PPP3CA: variants seen among roughly 807,000 people sequenced by gnomAD.
PPP3CA encodes the protein CAM-PRP catalytic subunit.
A neutral mutation model predicts 66.5 loss-of-function variants in PPP3CA; 14 were observed. That is an observed-to-expected ratio of 0.21 (90% confidence interval 0.14 to 0.33). PPP3CA has a LOEUF of 0.33. Ranked by LOEUF, PPP3CA falls within the 10% of genes least tolerant of loss-of-function variation. The pLI, the probability that PPP3CA is intolerant of heterozygous loss-of-function variation, is 1.00. For missense variants in PPP3CA, 317 were observed against 639.5 expected (o/e 0.50, Z 5.44); for synonymous variants, 232 against 226.2 (o/e 1.03, Z -0.23).
intron 10 of PPP3CA, among the ~76,000 whole-genome samples, chr4:101,043,385 C>CTTGGT (rs1727615226): frequency 6.6e-6 from 1 of 151,970 alleles, no homozygotes; most frequent in Non-Finnish European, 1.5e-5. Flanking sequence ...TGCTCAAATA[C>CTTGGT]ATACTAAATT....
intron 1 of PPP3CA, among the ~76,000 whole-genome samples, chr4:101,296,359 A>T (rs1728199645): frequency 6.6e-6 from 1 of 152,060 alleles, no homozygotes. Flanking sequence ...TATGTGAAAA[A>T]TTTTCAGATT....
intron 2 of PPP3CA, among the ~76,000 whole-genome samples, chr4:101,186,002 TAA>T (rs748513567): frequency 6.6e-6 from 1 of 152,202 alleles, no homozygotes; most frequent in Non-Finnish European, 1.5e-5. Context: ...AAAAATGGTT[TAA>T]GTTTCTTTAT....
At chr4:101,164,164 C>G (rs919059842) in intron 2 of PPP3CA, among the ~76,000 whole-genome samples, 13 of 152,060 alleles carry the variant, frequency 8.5e-5, no homozygotes, top group Non-Finnish European at 1.6e-4. Flanking sequence ...CAAATCTCCT[C>G]TCCTTCTCAA....
intron 1 of PPP3CA, among the ~76,000 whole-genome samples, chr4:101,204,692 G>C (rs1461784794): frequency 6.7e-6 from 1 of 150,102 alleles, no homozygotes; most frequent in Non-Finnish European, 1.5e-5. Context: ...TTGACACATG[G>C]ACAATGCCAA....
At chr4:101,330,735 G>T (rs1729358305) in intron 1 of PPP3CA, among the ~76,000 whole-genome samples, 1 of 151,986 alleles carries the variant, frequency 6.6e-6, no homozygotes, top group Non-Finnish European at 1.5e-5. Flanking sequence ...GTATAAAAAG[G>T]CAACGTCTAC....
chr4:101,253,054 A>C (rs1726728682), intron 1 of PPP3CA, among the ~76,000 whole-genome samples: 1 of 152,180 alleles, frequency 6.6e-6, no homozygotes, highest in South Asian at 2.1e-4. Flanking sequence ...GATTAAGCTG[A>C]AAAGGGTCCA....
intron 2 of PPP3CA, among the ~76,000 whole-genome samples, chr4:101,177,436 G>T (rs914917057): frequency 6.6e-6 from 1 of 152,050 alleles, no homozygotes; most frequent in Non-Finnish European, 1.5e-5. Context: ...ATTCATAGTA[G>T]TCCTGTACTC....
intron 1 of PPP3CA, among the ~76,000 whole-genome samples, chr4:101,340,606 T>A (rs1320208678): frequency 6.6e-6 from 1 of 152,150 alleles, no homozygotes; most frequent in Non-Finnish European, 1.5e-5. Flanking sequence ...AATTGATGGA[T>A]TCATATAAAA....
At chr4:101,184,035 G>C (rs953428657) in intron 2 of PPP3CA, among the ~76,000 whole-genome samples, 2 of 152,052 alleles carry the variant, frequency 1.3e-5, no homozygotes, top group African/African-American at 4.8e-5. Flanking sequence ...AGCTAGGTCA[G>C]AAAAAAGAGA....
intron 10 of PPP3CA, among the ~76,000 whole-genome samples, chr4:101,041,844 TA>T (rs1192343494): frequency 6.6e-6 from 1 of 152,188 alleles, no homozygotes; most frequent in Non-Finnish European, 1.5e-5. Flanking sequence ...CTGCCTCTAA[TA>T]GATATACAAC....
chr4:101,265,857 T>C (rs998148697), intron 1 of PPP3CA, among the ~76,000 whole-genome samples: 1 of 152,116 alleles, frequency 6.6e-6, no homozygotes, highest in African/African-American at 2.4e-5. Context: ...GGTCATGTAA[T>C]AGAGGGGAAT....
At chr4:101,048,525 A>AAAG (rs1727870553) in intron 10 of PPP3CA, among the ~76,000 whole-genome samples, 1 of 135,502 alleles carries the variant, frequency 7.4e-6, no homozygotes, top group African/African-American at 2.7e-5. Flanking sequence ...AAAAAAAAAA[A>AAAG]AAAAAAAAAA....
chr4:101,316,143 T>C (rs1163022613), intron 1 of PPP3CA, among the ~76,000 whole-genome samples: 2 of 151,884 alleles, frequency 1.3e-5, no homozygotes, highest in Admixed American at 6.6e-5. Flanking sequence ...ATCTACAAAA[T>C]GTAGGTTTTT....
chr4:101,060,656 T>C (rs1192984896), intron 10 of PPP3CA, among the ~76,000 whole-genome samples: 1 of 152,122 alleles, frequency 6.6e-6, no homozygotes, highest in East Asian at 1.9e-4. Context: ...TATATCAATA[T>C]GTAAATGCCT....
chr4:101,063,426 C>T lies in PPP3CA; in HGVS notation c.956-69G>A. Reference sequence around the variant, plus strand: ...TCTGCTTCTATGTATGGCTTTAGCTCATCAAGAAAATTCAACCATTTGACT... The same window carrying T: ...TCTGCTTCTATGTATGGCTTTAGCTTATCAAGAAAATTCAACCATTTGACT... On this transcript the variant is annotated intron_variant, in intron 8 of 13. Transcript: ENST00000394854. The T allele has an allele frequency of 3.3e-6, 5 of 1,501,300 alleles. No individual in the cohort carries two copies. The South Asian group carries it at 6.9e-5, about 21-fold the overall frequency. 93.0% of individuals were successfully genotyped at this position (1,501,300 alleles called of 1,614,324 possible).
chr4:101,339,840 A>T (rs1038761766), intron 1 of PPP3CA, among the ~76,000 whole-genome samples: 1 of 152,216 alleles, frequency 6.6e-6, no homozygotes, highest in Non-Finnish European at 1.5e-5. Context: ...ACCAAGACAC[A>T]TAGTTTAGAC....
At chr4:101,102,042 T>C (rs753602152) in intron 3 of PPP3CA, among the ~76,000 whole-genome samples, 4 of 152,196 alleles carry the variant, frequency 2.6e-5, no homozygotes, top group Non-Finnish European at 5.9e-5. Context: ...AGTTCTTTCA[T>C]AACTGAAACC....
rs1441860875 is a variant in PPP3CA, at chr4:101,024,614, T to TAA, written c.*1249_*1250dup. 6.6e-6 allele frequency: 1 copy of TAA among 152,646 alleles called. No individual in the cohort carries two copies. Among genetic ancestry groups the TAA allele is most frequent in the Non-Finnish European group, 1.5e-5 (1 of 68,022 alleles). 9.5% of individuals were successfully genotyped at this position (152,646 alleles called of 1,614,324 possible). ...ACATGACAGAACAGAACAAAATAACTAAACTGTTATGACATTAACAGTTGC... is the reference window on the plus strand; with the variant it reads ...ACATGACAGAACAGAACAAAATAACTAAAAACTGTTATGACATTAACAGTTGC... On this transcript the variant is annotated 3_prime_UTR_variant, in exon 14 of 14. Coordinates refer to ENST00000394854, the MANE Select transcript of PPP3CA (RefSeq NM_000944.5).
chr4:101,108,402 T>C (rs1219137982), intron 3 of PPP3CA, among the ~76,000 whole-genome samples: 1 of 152,242 alleles, frequency 6.6e-6, no homozygotes, highest in Non-Finnish European at 1.5e-5. Flanking sequence ...TTTTGAAAAT[T>C]TGCAAATATA....
Sources: allele counts gnomAD v4.1 joint callset (sites outside exome capture counted in the v4.1 genomes callset), GRCh38; gene constraint gnomAD v4.1.1; transcripts MANE v1.5; gene names NCBI Gene and HGNC (gene_info 2026-07-23, HGNC 2026-07-21).